Variants in NUMB observed in about 807,000 individuals in gnomAD.
The protein encoded by NUMB is NUMB endocytic adaptor protein.
NUMB carries 29 observed loss-of-function variants against 59.7 expected under a neutral mutation model. That is an observed-to-expected ratio of 0.49 (90% CI 0.36 to 0.66). The LOEUF (loss-of-function observed/expected upper bound fraction) is 0.66. Among genes scored for constraint, NUMB ranks in the 30% least tolerant of loss-of-function variants. The pLI, the probability that NUMB is intolerant of heterozygous loss-of-function variation, is 0.00. For synonymous variants in NUMB, 288 were observed against 288.2 expected (o/e 1.00, Z 0.01); for missense variants, 723 against 822.0 (o/e 0.88, Z 1.47).
At chr14:73,299,629 A>T (rs1428926646) in intron 6 of NUMB, among the ~76,000 whole-genome samples, 4 of 151,192 alleles carry the variant, frequency 2.6e-5, no homozygotes, top group Non-Finnish European at 4.4e-5. Context: ...ATATAATATG[A>T]CATATCTCCT....
chr14:73,427,278 C>G (rs1197837931), intron 1 of NUMB, among the ~76,000 whole-genome samples: 1 of 151,936 alleles, frequency 6.6e-6, no homozygotes, highest in Non-Finnish European at 1.5e-5. Context: ...CAGAGACCAG[C>G]CTGGCCAACA....
intron 2 of NUMB, among the ~76,000 whole-genome samples, chr14:73,381,857 T>C (rs1895260787): frequency 1.3e-5 from 2 of 152,044 alleles, no homozygotes; most frequent in Admixed American, 6.5e-5. Context: ...AAATAAATAA[T>C]GCAAGTAAGA....
At chr14:73,287,634 T>A (rs1187684616) in intron 8 of NUMB, among the ~76,000 whole-genome samples, 2 of 152,120 alleles carry the variant, frequency 1.3e-5, no homozygotes, top group African/African-American at 4.8e-5. Flanking sequence ...CAATTCAGCC[T>A]CCCAAAGTGC....
intron 4 of NUMB, among the ~76,000 whole-genome samples, chr14:73,349,793 C>T (rs1318773049): frequency 1.3e-4 from 20 of 151,836 alleles, no homozygotes; most frequent in African/African-American, 4.8e-4. Context: ...GCAGGAGAAT[C>T]GCGTGAACCC....
chr14:73,293,977 C>G (rs1050692968), intron 7 of NUMB, among the ~76,000 whole-genome samples: 1 of 152,168 alleles, frequency 6.6e-6, no homozygotes, highest in African/African-American at 2.4e-5. Context: ...ACATCTGAGT[C>G]ATCTTGAAGT....
At chr14:73,400,031 T>A (rs1306725450) in intron 2 of NUMB, among the ~76,000 whole-genome samples, 2 of 151,926 alleles carry the variant, frequency 1.3e-5, no homozygotes, top group Non-Finnish European at 2.9e-5. Context: ...GGAGTGAGAC[T>A]CTGTCTCAAA....
rs1566773800 is a variant in NUMB at position 73,386,864 on chromosome 14, C to CT, written c.-100-19884dup. ...TAATACAAGACAATCTATCAGGTGT[C>CT]TTATTTTTTTTTTTTTTTTTTTTTT... On this transcript the variant is annotated intron_variant, in intron 2 of 12. Transcript: ENST00000555238. Among the ~76,000 whole-genome samples the CT allele has an allele frequency of 8.1e-4, 60 of 73,788 alleles. 3 individuals carry two copies. The highest frequency in any genetic ancestry group is 2.7e-3 in the African/African-American group (49 of 18,182). The allele number at this position is 73,788 out of a possible 152,430, so 48.4% of individuals were successfully genotyped here.
At position 73,351,217 on chromosome 14, in the gene NUMB, C is replaced by T. The variant is rs530999224; in HGVS notation, c.126+4409G>A. Among the ~76,000 whole-genome samples, 4 of 152,118 alleles carry T rather than the reference C, an allele frequency of 2.6e-5. No homozygotes were observed. In the South Asian group the frequency reaches 8.3e-4, roughly 32 times the overall value. On this transcript the variant is annotated intron_variant, in intron 4 of 12. Transcript: ENST00000555238. ...GGCCGGGCACGGTGGCTCATGCCTGCAATCCCAGGACTTTGGGAGACTGAG... is the reference window on the plus strand; with the variant it reads ...GGCCGGGCACGGTGGCTCATGCCTGTAATCCCAGGACTTTGGGAGACTGAG...
intron 4 of NUMB, among the ~76,000 whole-genome samples, chr14:73,340,311 C>T (rs1892562341): frequency 6.6e-6 from 1 of 152,132 alleles, no homozygotes. Flanking sequence ...CTCAGCTTCC[C>T]CACCTGACAA....
chr14:73,278,364 A>G (rs1888347294), intron 12 of NUMB, among the ~76,000 whole-genome samples: 1 of 151,754 alleles, frequency 6.6e-6, no homozygotes, highest in Non-Finnish European at 1.5e-5. Flanking sequence ...TACTAAAAAT[A>G]CAAAAATTGG....
intron 7 of NUMB, among the ~76,000 whole-genome samples, chr14:73,296,755 G>C (rs1304699262): frequency 6.6e-6 from 1 of 152,182 alleles, no homozygotes; most frequent in African/African-American, 2.4e-5. Context: ...GCCAGGCGTG[G>C]TGGCTCACTC....
chr14:73,373,965 T>C (rs1894825203), intron 2 of NUMB, among the ~76,000 whole-genome samples: 1 of 151,754 alleles, frequency 6.6e-6, no homozygotes, highest in South Asian at 2.1e-4. Context: ...ACCTCCCGGG[T>C]TCAAGCGATT....
At chr14:73,352,477 CATATATATATATATATATATATATATAT>C (rs1170959840) in intron 4 of NUMB, among the ~76,000 whole-genome samples, 146 of 12,686 alleles carry the variant, frequency 0.012, 18 homozygotes, top group Admixed American at 0.022. Flanking sequence ...CACACACACA[CATATATATATATATATATATATATATAT>C]ATATATATAT....
chr14:73,417,704 G>C (rs1380930219), intron 1 of NUMB, among the ~76,000 whole-genome samples: 1 of 152,144 alleles, frequency 6.6e-6, no homozygotes, highest in East Asian at 1.9e-4. Context: ...ATAACTGAAA[G>C]TAGAGACTCA....
At chr14:73,405,773 ACT>A (rs1896630235) in intron 2 of NUMB, among the ~76,000 whole-genome samples, 1 of 144,946 alleles carries the variant, frequency 6.9e-6, no homozygotes, top group Admixed American at 7.4e-5. Context: ...GGCAGGACAA[ACT>A]CTGTTGTTTT....
At chr14:73,328,152 G>A (rs1475803045) in intron 4 of NUMB, among the ~76,000 whole-genome samples, 1 of 151,914 alleles carries the variant, frequency 6.6e-6, no homozygotes, top group Non-Finnish European at 1.5e-5. Flanking sequence ...GCAGGCTCCT[G>A]TAGTCCCAGC....
intron 7 of NUMB, among the ~76,000 whole-genome samples, chr14:73,294,950 TAAAAAA>T (rs61179657): frequency 4.1e-5 from 1 of 24,374 alleles, no homozygotes; most frequent in Non-Finnish European, 6.3e-5. Context: ...AACCCATCTC[TAAAAAA>T]AAAAAAAAAA....
At chr14:73,378,012 C>CACACAT (rs1555376145) in intron 2 of NUMB, among the ~76,000 whole-genome samples, 13 of 122,266 alleles carry the variant, frequency 1.1e-4, no homozygotes, top group Non-Finnish European at 1.3e-4. Context: ...CACACACACA[C>CACACAT]ACACACATAC....
chr14:73,430,962 T>C (rs990240716), intron 1 of NUMB, among the ~76,000 whole-genome samples: 1 of 151,786 alleles, frequency 6.6e-6, no homozygotes, highest in Non-Finnish European at 1.5e-5. Flanking sequence ...AAAAAGTTTT[T>C]GAATTTTGTT....
Sources: allele counts gnomAD v4.1 joint callset (sites outside exome capture counted in the v4.1 genomes callset), GRCh38; gene constraint gnomAD v4.1.1; transcripts MANE v1.5; gene names NCBI Gene and HGNC (gene_info 2026-07-23, HGNC 2026-07-21).